Variants in OTOP1 observed in about 807,000 individuals in gnomAD.
OTOP1 encodes otopetrin 1, also known as proton channel OTOP1.
In OTOP1, 59 loss-of-function variants were observed where a neutral mutation model predicts 52.9. That is an observed-to-expected ratio of 1.12 (90% CI 0.91 to 1.39). OTOP1 has a LOEUF of 1.39. OTOP1 is among the 40% of genes most tolerant of loss of function. OTOP1 has a pLI of 0.00. For missense variants in OTOP1, 761 were observed against 800.9 expected, an observed-to-expected ratio of 0.95 and a Z score of 0.60; for synonymous variants, 317 against 337.7, an observed-to-expected ratio of 0.94 and a Z score of 0.67.
chr4:4,193,782 C>T (rs1490579477), intron 5 of OTOP1, among the ~76,000 whole-genome samples: 2 of 152,202 alleles, frequency 1.3e-5, no homozygotes, highest in South Asian at 2.1e-4. Flanking sequence ...TCTGGTATTT[C>T]GGACAGTGCT....
rs766219781 is a variant in OTOP1 at position 4,206,128 on chromosome 4, T to C, written c.543A>G (p.Val181=). Residue 181 remains valine (V), a splice_region_variant and synonymous_variant, in exon 3 of 6, where the codon GTA becomes GTG. Coordinates refer to ENST00000296358, the MANE Select transcript of OTOP1 (RefSeq NM_177998.3). ...CCTTTGCATGCCCCCAAAGAAAATATACCTAGATGGAAATAAAGAAAGAAA... is the reference window on the plus strand; with the variant it reads ...CCTTTGCATGCCCCCAAAGAAAATACACCTAGATGGAAATAAAGAAAGAAA... ...VTHSVHTLLQ[V]YFLWGHAKDI... 1.9e-6 allele frequency: 3 copies of C among 1,600,972 alleles called. No homozygotes were observed. Among genetic ancestry groups the C allele is most frequent in the South Asian group, 2.2e-5 (2 of 90,484 alleles).
rs573360529 is a variant in OTOP1 at position 4,197,033 on chromosome 4, T to A, written c.1668+133A>T. 7.3e-4 allele frequency: 718 copies of A among 978,120 alleles called. 4 individuals are homozygous for A. The African/African-American group carries it at 0.01, about 14-fold the overall frequency. 60.6% of individuals were successfully genotyped at this position (978,120 alleles called of 1,614,324 possible). A position where few individuals can be genotyped will look rare whatever the true frequency, so the allele number is the denominator to read the frequency against. On this transcript the variant is annotated intron_variant, in intron 5 of 5. Transcript: ENST00000296358. ...GGCACTATGCTCATTACCTGGGTGA[T>A]GGGATCATTTGTGCACCAAACCTCA... is the stretch of plus-strand genomic sequence containing the variant.
chr4:4,225,582 A>AAAAAAAG lies in OTOP1; in HGVS notation c.403+879_403+880insCTTTTTT, dbSNP rs1306738143. Among the ~76,000 whole-genome samples, 34 of 151,682 alleles carry AAAAAAAG rather than the reference A, an allele frequency of 2.2e-4. No individual in the cohort carries two copies. In the South Asian group the frequency reaches 6.5e-3, roughly 29 times the overall value. On this transcript the variant is annotated intron_variant, in intron 1 of 5. Coordinates refer to ENST00000296358, the MANE Select transcript of OTOP1 (RefSeq NM_177998.3). ...ACATTGTCTCAAAAAAAAAAAAAAA[A>AAAAAAAG]ATGTGGCAGCCCCTTGAGGAAGAAA...
chr4:4,206,417 TG>T (rs1249128344), intron 2 of OTOP1, among the ~76,000 whole-genome samples: 1 of 152,228 alleles, frequency 6.6e-6, no homozygotes, highest in Non-Finnish European at 1.5e-5. Flanking sequence ...ATGTCTGCTG[TG>T]GGACAGGGTA....
At chr4:4,196,388 A>T (rs1716625714) in intron 5 of OTOP1, among the ~76,000 whole-genome samples, 1 of 152,092 alleles carries the variant, frequency 6.6e-6, no homozygotes, top group Admixed American at 6.5e-5. Flanking sequence ...CCCCATCTCT[A>T]CTAAAAATAT....
chr4:4,197,595 G>A lies in OTOP1; in HGVS notation c.1239C>T (p.Leu413=). 1.9e-6 allele frequency: 3 copies of A among 1,614,022 alleles called. No homozygotes were observed. In the South Asian group the frequency reaches 3.3e-5, roughly 18 times the overall value. ...TGTAGCGGGGGTGGCCCTCAGCACA[G>A]AGGATGGCCAAGATTGAGCCCCAGG... ...LISWGSILAI[L]CAEGHPRYTW... The change falls in exon 5 of 6, where the codon CTC becomes CTT. Residue 413 remains leucine, a synonymous_variant. Coordinates refer to ENST00000296358, the MANE Select transcript of OTOP1 (RefSeq NM_177998.3).
intron 1 of OTOP1, among the ~76,000 whole-genome samples, chr4:4,220,768 T>C (rs1160381856): frequency 6.6e-6 from 1 of 152,152 alleles, no homozygotes; most frequent in Non-Finnish European, 1.5e-5. Flanking sequence ...CTACCTAGGG[T>C]ACCCATCCAG....
At chr4:4,223,099 A>G (rs148780523) in intron 1 of OTOP1, among the ~76,000 whole-genome samples, 6,100 of 152,300 alleles carry the variant, frequency 0.04, 164 homozygotes, top group African/African-American at 0.069. Flanking sequence ...TTACATTATT[A>G]TGGGGCAACT....
In OTOP1 at chr4:4,226,724, G is replaced by T. The variant is rs533632559; in HGVS notation, c.141C>A (p.Gly47=). Residue 47 remains glycine (G), a synonymous_variant, in exon 1 of 6, where the codon GGC becomes GGA. Coordinates refer to ENST00000296358, the MANE Select transcript of OTOP1 (RefSeq NM_177998.3). ...TCTGTGGGACGCTGGCGCGCACACC[G>T]CCCCGCCGGGGGGCCGGGGATTCCG... ...RSPESPAPRR[G]GVRASVPQKL... is the part of the protein sequence containing the mutation. The T allele has an allele frequency of 2.4e-5, 34 of 1,404,892 alleles. No individual in the cohort carries two copies. In the African/African-American group the frequency reaches 4.6e-4, roughly 19 times the overall value. 87.0% of individuals were successfully genotyped at this position (1,404,892 alleles called of 1,614,324 possible). A position where few individuals can be genotyped will look rare whatever the true frequency, so the allele number is the denominator to read the frequency against.
intron 3 of OTOP1, among the ~76,000 whole-genome samples, chr4:4,203,138 G>A (rs988229228): frequency 6.6e-6 from 1 of 152,292 alleles, no homozygotes; most frequent in African/African-American, 2.4e-5. Context: ...ATGAGCTTTA[G>A]TCTAATGGGC....
rs1044891527 is a variant in OTOP1 at position 4,213,064 on chromosome 4, T to C, written c.404-60A>G. On this transcript the variant is annotated intron_variant, in intron 1 of 5. Transcript: ENST00000296358. Reference sequence around the variant, plus strand: ...CACATTGCATTAACATACATTGATGTCATTTCAAAATAAATTATATTGTGT... The same window carrying C: ...CACATTGCATTAACATACATTGATGCCATTTCAAAATAAATTATATTGTGT... 3 of 1,566,404 alleles carry C rather than the reference T, an allele frequency of 1.9e-6. No individual in the cohort carries two copies. The African/African-American group carries it at 4.1e-5, about 21-fold the overall frequency.
At chr4:4,200,106 C>T (rs1384735970) in intron 4 of OTOP1, among the ~76,000 whole-genome samples, 1 of 152,210 alleles carries the variant, frequency 6.6e-6, no homozygotes, top group African/African-American at 2.4e-5. Flanking sequence ...CAAACGTTCA[C>T]AGCATTTACT....
intron 5 of OTOP1, among the ~76,000 whole-genome samples, chr4:4,192,791 C>T (rs1244120367): frequency 1.3e-5 from 2 of 152,138 alleles, no homozygotes; most frequent in Non-Finnish European, 2.9e-5. Context: ...AACCCAGTCA[C>T]AAAAGGACTA....
intron 2 of OTOP1, among the ~76,000 whole-genome samples, chr4:4,211,555 T>C (rs1024442526): frequency 6.6e-6 from 1 of 152,164 alleles, no homozygotes; most frequent in Admixed American, 6.6e-5. Context: ...TACTGCATAA[T>C]CTCACTTATA....
chr4:4,212,970 G>T lies in OTOP1; in HGVS notation c.438C>A (p.Ile146=), dbSNP rs1717057937. ...SITLFAVITV[I]LGCLKIGYFI... ...AGTATCCAATTTTAAGGCATCCCAG[G>T]ATGACGGTAATGACTGCAAACAATG... The change falls in exon 2 of 6, where the codon ATC becomes ATA. Residue 146 remains isoleucine (I), a synonymous_variant. Coordinates refer to ENST00000296358, the MANE Select transcript of OTOP1 (RefSeq NM_177998.3). 1 of 1,614,068 alleles carries T rather than the reference G, an allele frequency of 6.2e-7. No individual in the cohort carries two copies. Among genetic ancestry groups the T allele is most frequent in the African/African-American group, 1.3e-5 (1 of 75,046 alleles).
intron 1 of OTOP1, among the ~76,000 whole-genome samples, chr4:4,219,876 T>TAC (rs1159969524): frequency 2.0e-5 from 3 of 146,756 alleles, no homozygotes; most frequent in Admixed American, 6.9e-5. Flanking sequence ...TATACATATA[T>TAC]GTATATATAC....
At chr4:4,204,938 T>C (rs921950279) in intron 3 of OTOP1, among the ~76,000 whole-genome samples, 1 of 151,790 alleles carries the variant, frequency 6.6e-6, no homozygotes, top group African/African-American at 2.4e-5. Flanking sequence ...ACACAGCTAA[T>C]TTTTTTTGTA....
intron 4 of OTOP1, among the ~76,000 whole-genome samples, chr4:4,199,415 T>C (rs1322825259): frequency 1.3e-5 from 2 of 152,030 alleles, no homozygotes; most frequent in African/African-American, 2.4e-5. Flanking sequence ...TTTTTTGTTT[T>C]GTGTTTTGTT....
At chr4:4,199,233 TGAGA>T (rs71600542) in intron 4 of OTOP1, among the ~76,000 whole-genome samples, 2,199 of 98,458 alleles carry the variant, frequency 0.022, 196 homozygotes, top group Middle Eastern at 0.058. Context: ...TGTGTGTGTG[TGAGA>T]GAGAGAGAGA....
Sources: gnomAD v4.1 joint callset for allele counts (sites outside exome capture counted in the v4.1 genomes callset) on GRCh38, gnomAD v4.1.1 for gene constraint, MANE v1.5 for transcripts, NCBI Gene and HGNC (gene_info 2026-07-23, HGNC 2026-07-21) for gene names.